Variants in C8orf34 observed in about 807,000 individuals in gnomAD.
C8orf34 encodes uncharacterized protein C8orf34.
Under a neutral mutation model 68.3 loss-of-function variants are expected in C8orf34, and 65 were observed. The observed-to-expected ratio is 0.95, with a 90% CI of 0.78 to 1.17. The LOEUF (loss-of-function observed/expected upper bound fraction) is 1.17, where lower values mean the gene tolerates loss of function less well. Ranked by LOEUF, C8orf34 falls within the 50% of genes most tolerant of loss-of-function variation. The pLI is 0.00. For synonymous variants in C8orf34, 244 were observed against 241.2 expected (o/e 1.01, Z -0.11); for missense variants, 664 against 655.4 (o/e 1.01, Z -0.14).
Position 68,362,023 on chromosome 8 carries a change from T to G in C8orf34, c.327+30684T>G, listed in dbSNP as rs534336429. Among the ~76,000 whole-genome samples, 31 of 152,366 alleles carry G rather than the reference T, an allele frequency of 2.0e-4. No individual in the cohort carries two copies. In the South Asian group the frequency reaches 6.4e-3, roughly 32 times the overall value. On this transcript the variant is annotated intron_variant, in intron 1 of 13. Coordinates refer to ENST00000518698, the MANE Select transcript of C8orf34 (RefSeq NM_052958.4). ...GTAAGCCAAACTGATTTGGATTTTT[T>G]ATTTGTAACGTAAGAGTCCCAAGTT...
At chr8:68,603,735 G>C (rs905457103) in intron 7 of C8orf34, among the ~76,000 whole-genome samples, 4 of 152,070 alleles carry the variant, frequency 2.6e-5, no homozygotes, top group African/African-American at 9.7e-5. Context: ...GTGGGGATAT[G>C]AGTATAGGTA....
In C8orf34 at chr8:68,625,723, T is replaced by A. The variant is rs910269550; in HGVS notation, c.1106-14653T>A. ...AGTGTGAGTTGGCAACTATGGCCAATATACATCAACAGCAATTTTAGTATA... is the reference window on the plus strand; with the variant it reads ...AGTGTGAGTTGGCAACTATGGCCAAAATACATCAACAGCAATTTTAGTATA... On this transcript the variant is annotated intron_variant, in intron 7 of 13. Coordinates refer to ENST00000518698, the MANE Select transcript of C8orf34 (RefSeq NM_052958.4). The A allele has an allele frequency of 5.0e-6, 3 of 596,996 alleles. No individual in the cohort carries two copies. The African/African-American group carries it at 5.6e-5, about 11-fold the overall frequency. The allele number at this position is 596,996 out of a possible 1,614,324, so 37.0% of individuals were successfully genotyped here. A position where few individuals can be genotyped will look rare whatever the true frequency, so the allele number is the denominator to read the frequency against.
At chr8:68,516,072 C>G (rs1291975017) in intron 5 of C8orf34, among the ~76,000 whole-genome samples, 4 of 152,102 alleles carry the variant, frequency 2.6e-5, no homozygotes, top group Non-Finnish European at 5.9e-5. Context: ...TTTGAAATAG[C>G]AGGATCAAAA....
At position 68,704,954 on chromosome 8, in the gene C8orf34, T is replaced by G. The variant is rs542903859; in HGVS notation, c.1242-4040T>G. Among the ~76,000 whole-genome samples, 68 of 152,290 alleles carry G rather than the reference T, an allele frequency of 4.5e-4. 1 individual carries two copies. In the South Asian group the frequency reaches 0.014, roughly 31 times the overall value. ...CTTATGGAAAAGGGGTTTCTAAGTA[T>G]GGCTGTCTGTAAGGAAACTACACAA... On this transcript the variant is annotated intron_variant, in intron 8 of 13. Transcript: ENST00000518698.
At chr8:68,526,924 G>C (rs1815021053) in intron 6 of C8orf34, among the ~76,000 whole-genome samples, 1 of 152,174 alleles carries the variant, frequency 6.6e-6, no homozygotes, top group South Asian at 2.1e-4. Flanking sequence ...CAGAATGAAG[G>C]CTCAGGAGGC....
At chr8:68,689,403 T>C (rs978975248) in intron 8 of C8orf34, among the ~76,000 whole-genome samples, 8 of 151,926 alleles carry the variant, frequency 5.3e-5, no homozygotes, top group African/African-American at 1.7e-4. Context: ...CCAAAAGCAA[T>C]TGAAATAAAA....
chr8:68,806,036 T>C (rs1229836709), intron 12 of C8orf34, among the ~76,000 whole-genome samples: 2 of 152,112 alleles, frequency 1.3e-5, no homozygotes, highest in Non-Finnish European at 2.9e-5. Context: ...ATTGCAACAA[T>C]GTATTGTTTA....
chr8:68,480,085 G>C (rs1164231902), intron 4 of C8orf34, among the ~76,000 whole-genome samples: 1 of 152,138 alleles, frequency 6.6e-6, no homozygotes, highest in East Asian at 1.9e-4. Flanking sequence ...ATATGGTTTG[G>C]CTATATCCTC....
intron 1 of C8orf34, among the ~76,000 whole-genome samples, chr8:68,412,854 A>C (rs1224832700): frequency 1.3e-5 from 2 of 151,822 alleles, no homozygotes; most frequent in African/African-American, 4.8e-5. Flanking sequence ...TGGACATCCC[A>C]CCCATTGATC....
At chr8:68,625,487 C>A in intron 7 of C8orf34, 1 of 586,054 alleles carries the variant, frequency 1.7e-6, no homozygotes, top group Non-Finnish European at 3.1e-6. Flanking sequence ...TGAAAATGGT[C>A]TTGTAAAATT....
chr8:68,573,286 G>A (rs1462091045), intron 7 of C8orf34, among the ~76,000 whole-genome samples: 1 of 152,110 alleles, frequency 6.6e-6, no homozygotes, highest in East Asian at 1.9e-4. Flanking sequence ...GGAAATGACA[G>A]GGTGCCAGTT....
At chr8:68,420,070 C>A (rs1809890751) in intron 1 of C8orf34, among the ~76,000 whole-genome samples, 1 of 150,672 alleles carries the variant, frequency 6.6e-6, no homozygotes, top group Admixed American at 6.6e-5. Context: ...GGATGACTGG[C>A]CTGAGATCCA....
At chr8:68,424,091 A>C (rs751671429) in intron 1 of C8orf34, among the ~76,000 whole-genome samples, 13 of 152,046 alleles carry the variant, frequency 8.6e-5, no homozygotes, top group Non-Finnish European at 1.9e-4. Flanking sequence ...ACATAAGAAG[A>C]CCAAGGGCCA....
intron 2 of C8orf34, among the ~76,000 whole-genome samples, chr8:68,445,032 G>A (rs71515099): frequency 1.8e-3 from 281 of 152,222 alleles, no homozygotes; most frequent in Middle Eastern, 3.4e-3. Context: ...TTCTCTTTTT[G>A]AATGGCCTAT....
intron 7 of C8orf34, chr8:68,625,722 A>G: frequency 5.0e-6 from 3 of 597,226 alleles, no homozygotes; most frequent in East Asian, 6.1e-5. Flanking sequence ...ACTATGGCCA[A>G]TATACATCAA....
At chr8:68,337,634 A>G (rs1185306920) in intron 1 of C8orf34, among the ~76,000 whole-genome samples, 4 of 152,212 alleles carry the variant, frequency 2.6e-5, no homozygotes, top group African/African-American at 9.6e-5. Context: ...AATTACCTTA[A>G]AAGAAAAATT....
intron 9 of C8orf34, among the ~76,000 whole-genome samples, chr8:68,717,453 A>T (rs1236451555): frequency 2.0e-5 from 3 of 151,102 alleles, no homozygotes; most frequent in Non-Finnish European, 4.4e-5. Context: ...ATTTCGTGCC[A>T]CTGCCCTACA....
intron 8 of C8orf34, among the ~76,000 whole-genome samples, chr8:68,682,496 G>A (rs1391988864): frequency 1.3e-5 from 2 of 152,132 alleles, no homozygotes; most frequent in East Asian, 1.9e-4. Context: ...TTCTTTATAA[G>A]TGTAAATTTT....
At chr8:68,577,107 T>C (rs1816926894) in intron 7 of C8orf34, among the ~76,000 whole-genome samples, 1 of 152,000 alleles carries the variant, frequency 6.6e-6, no homozygotes, top group Non-Finnish European at 1.5e-5. Context: ...TTATTAGAAA[T>C]ACAGACTCTC....
Sources: allele counts gnomAD v4.1 joint callset (sites outside exome capture counted in the v4.1 genomes callset), GRCh38; gene constraint gnomAD v4.1.1; transcripts MANE v1.5; gene names NCBI Gene and HGNC (gene_info 2026-07-23, HGNC 2026-07-21).